PPP3CA: variants seen among roughly 807,000 people sequenced by gnomAD.
PPP3CA encodes the protein protein phosphatase 3 catalytic subunit alpha.
In PPP3CA, 14 loss-of-function variants were observed where a neutral mutation model predicts 66.5. The observed-to-expected ratio is 0.21, with a 90% CI of 0.14 to 0.33. The LOEUF is 0.33. Among genes scored for constraint, PPP3CA ranks in the 10% least tolerant of loss-of-function variants. The pLI, the probability that PPP3CA is intolerant of heterozygous loss-of-function variation, is 1.00. For missense variants in PPP3CA, 317 were observed against 639.5 expected (o/e 0.50, Z 5.44); for synonymous variants, 232 against 226.2 (o/e 1.03, Z -0.23).
At chr4:101,144,149 G>C (rs1280832443) in intron 2 of PPP3CA, among the ~76,000 whole-genome samples, 1 of 152,166 alleles carries the variant, frequency 6.6e-6, no homozygotes, top group Non-Finnish European at 1.5e-5. Flanking sequence ...ATGAAGTTTA[G>C]ATGGAATTTC....
chr4:101,171,318 T>C, intron 2 of PPP3CA: 1 of 391,484 alleles, frequency 2.6e-6, no homozygotes, highest in African/African-American at 2.1e-5. Context: ...CATAGTTGGT[T>C]CTGATGCATA....
intron 2 of PPP3CA, among the ~76,000 whole-genome samples, chr4:101,136,536 G>A (rs1056713227): frequency 2.1e-5 from 3 of 143,732 alleles, no homozygotes; most frequent in Non-Finnish European, 4.4e-5. Context: ...ACGAGACTCC[G>A]CCTCAAAAAA....
chr4:101,114,314 T>C (rs577361737), intron 2 of PPP3CA, among the ~76,000 whole-genome samples: 2 of 152,218 alleles, frequency 1.3e-5, no homozygotes, highest in South Asian at 4.1e-4. Flanking sequence ...AAATAAAACA[T>C]AAGTTTATTT....
At chr4:101,127,374 C>A (rs1313263901) in intron 2 of PPP3CA, among the ~76,000 whole-genome samples, 1 of 152,020 alleles carries the variant, frequency 6.6e-6, no homozygotes, top group African/African-American at 2.4e-5. Flanking sequence ...GTAATCAGGT[C>A]ACGCTTGATT....
intron 2 of PPP3CA, among the ~76,000 whole-genome samples, chr4:101,185,500 T>C (rs1339285397): frequency 6.6e-6 from 1 of 152,178 alleles, no homozygotes; most frequent in Non-Finnish European, 1.5e-5. Context: ...ATAAAAACTA[T>C]GTATTCACTT....
intron 1 of PPP3CA, among the ~76,000 whole-genome samples, chr4:101,237,106 T>C (rs1180232130): frequency 2.0e-5 from 3 of 150,790 alleles, no homozygotes; most frequent in East Asian, 2.0e-4. Flanking sequence ...TTAACTATGA[T>C]TGAAATTCAG....
chr4:101,072,164 G>T (rs904127945), intron 8 of PPP3CA, among the ~76,000 whole-genome samples: 2 of 152,144 alleles, frequency 1.3e-5, no homozygotes, highest in African/African-American at 4.8e-5. Context: ...AATGTACAAG[G>T]TATTCTAACT....
chr4:101,287,807 G>A (rs1727893329), intron 1 of PPP3CA, among the ~76,000 whole-genome samples: 1 of 151,164 alleles, frequency 6.6e-6, no homozygotes, highest in Non-Finnish European at 1.5e-5. Context: ...GTGCCTAAAG[G>A]AGTTTTCAGT....
chr4:101,070,556 T>C (rs1368034826), intron 8 of PPP3CA, among the ~76,000 whole-genome samples: 1 of 152,226 alleles, frequency 6.6e-6, no homozygotes, highest in Non-Finnish European at 1.5e-5. Flanking sequence ...ATAGGAATAA[T>C]ATCTGCCCTC....
At position 101,146,988 on chromosome 4, in the gene PPP3CA, T is replaced by G. The variant is rs537180666; in HGVS notation, c.260-37910A>C. ...GGATTAGGGATGCTTAAACTGTATC[T>G]CATTTAATTTGTATAACATTCCTCT... On this transcript the variant is annotated intron_variant, in intron 2 of 13. Transcript: ENST00000394854. 3.3e-5 allele frequency among the ~76,000 whole-genome samples: 5 copies of G among 152,326 alleles called. No homozygotes were observed. The South Asian group carries it at 8.3e-4, about 25-fold the overall frequency.
chr4:101,170,313 G>C (rs1401125989), intron 2 of PPP3CA, among the ~76,000 whole-genome samples: 2 of 151,884 alleles, frequency 1.3e-5, no homozygotes, highest in Non-Finnish European at 2.9e-5. Context: ...ATCTCCCATA[G>C]AGATCCAATG....
chr4:101,212,639 G>A (rs1187360843), intron 1 of PPP3CA, among the ~76,000 whole-genome samples: 1 of 152,018 alleles, frequency 6.6e-6, no homozygotes, highest in African/African-American at 2.4e-5. Context: ...GGGAAAAAAA[G>A]AACAAAAAAG....
chr4:101,313,328 A>G lies in PPP3CA; in HGVS notation c.58+33411T>C, dbSNP rs1245430158. ...AGGTGTGAGCCAACACACTCAGCCTAAGGATATGATATATGAAATTAATCC... is the reference window on the plus strand; with the variant it reads ...AGGTGTGAGCCAACACACTCAGCCTGAGGATATGATATATGAAATTAATCC... On this transcript the variant is annotated intron_variant, in intron 1 of 13. Transcript: ENST00000394854. Among the ~76,000 whole-genome samples, 3 of 152,280 alleles carry G rather than the reference A, an allele frequency of 2.0e-5. No individual in the cohort carries two copies. In the South Asian group the frequency reaches 6.2e-4, roughly 32 times the overall value.
At chr4:101,039,398 T>G (rs1727403447) in intron 11 of PPP3CA, among the ~76,000 whole-genome samples, 2 of 145,198 alleles carry the variant, frequency 1.4e-5, no homozygotes, top group Non-Finnish European at 3.1e-5. Flanking sequence ...TATTTACTTA[T>G]GGCATGAATG....
intron 1 of PPP3CA, among the ~76,000 whole-genome samples, chr4:101,269,945 C>T (rs1261488931): frequency 6.6e-6 from 1 of 152,036 alleles, no homozygotes. Context: ...ATGGTAACCT[C>T]TGTGGCATAC....
At chr4:101,106,380 A>G (rs185697898) in intron 3 of PPP3CA, among the ~76,000 whole-genome samples, 1 of 3,428 alleles carries the variant, frequency 2.9e-4, no homozygotes, top group African/African-American at 7.9e-4. Context: ...GAGAAAAGAA[A>G]GAAAGAAAGA....
chr4:101,079,635 T>A (rs1332124675), intron 8 of PPP3CA, among the ~76,000 whole-genome samples: 1 of 152,126 alleles, frequency 6.6e-6, no homozygotes, highest in African/African-American at 2.4e-5. Context: ...TTTCTCTTAA[T>A]CTCAGAAAGC....
chr4:101,053,658 C>G (rs1342738351), intron 10 of PPP3CA, among the ~76,000 whole-genome samples: 1 of 152,016 alleles, frequency 6.6e-6, no homozygotes, highest in African/African-American at 2.4e-5. Context: ...CAGTTTTACT[C>G]AAACTCCTGC....
At chr4:101,083,577 G>A (rs1278276092) in intron 6 of PPP3CA, among the ~76,000 whole-genome samples, 1 of 152,178 alleles carries the variant, frequency 6.6e-6, no homozygotes, top group Non-Finnish European at 1.5e-5. Flanking sequence ...TAAAGACAAA[G>A]TGAACGGAGC....
Sources: gnomAD v4.1 joint callset for allele counts (sites outside exome capture counted in the v4.1 genomes callset) on GRCh38, gnomAD v4.1.1 for gene constraint, MANE v1.5 for transcripts, NCBI Gene and HGNC (gene_info 2026-07-23, HGNC 2026-07-21) for gene names.